The following ZFHX4 variants were observed in gnomAD, a reference collection of about 807,000 sequenced individuals.
ZFHX4 encodes zinc finger homeobox 4.
Under a neutral mutation model 267.6 loss-of-function variants are expected in ZFHX4, and 56 were observed. The observed-to-expected ratio is 0.21, with a 90% CI of 0.17 to 0.26. The LOEUF (loss-of-function observed/expected upper bound fraction) is 0.26. Among genes scored for constraint, ZFHX4 ranks in the 10% least tolerant of loss-of-function variants. The probability of loss-of-function intolerance (pLI) is 1.00; values close to 1 mark genes in which losing one functional copy is unlikely to be tolerated. For synonymous variants in ZFHX4, 1,778 were observed against 1,665.6 expected (o/e 1.07, Z -1.64); for missense variants, 4,332 against 4,420.0 (o/e 0.98, Z 0.56).
intron 5 of ZFHX4, among the ~76,000 whole-genome samples, chr8:76,840,958 A>G (rs1219562221): frequency 6.6e-6 from 1 of 152,226 alleles, no homozygotes; most frequent in Non-Finnish European, 1.5e-5. Flanking sequence ...GGGTGAAAGC[A>G]GGCTAGCGCC....
chr8:76,818,634 A>T (rs1209525268), intron 4 of ZFHX4, among the ~76,000 whole-genome samples: 1 of 152,048 alleles, frequency 6.6e-6, no homozygotes, highest in Admixed American at 6.6e-5. Context: ...AATCTAGAAC[A>T]GTCACGGTGG....
chr8:76,851,251 T>C lies in ZFHX4; in HGVS notation c.4330T>C (p.Leu1444=), dbSNP rs936990161. The C allele has an allele frequency of 6.2e-6, 10 of 1,613,748 alleles. No homozygotes were observed. Among genetic ancestry groups the C allele is most frequent in the East Asian group, 2.2e-5 (1 of 44,816 alleles). The change falls in exon 10 of 11, where the codon TTG becomes CTG. Residue 1444 remains leucine, a synonymous_variant. Coordinates refer to ENST00000651372, the MANE Select transcript of ZFHX4 (RefSeq NM_024721.5). ...TACATTCCAGGCTTTAAAAAAACAC[T>C]TGGAAGCAGGCCACCCTGAACTGAG... The part of the protein sequence containing the change: ...FRTFQALKKH[L]EAGHPELSEA...
Position 76,855,021 on chromosome 8 carries a change from T to A in ZFHX4, c.8100T>A (p.Asn2700Lys). The A allele has an allele frequency of 6.2e-7, 1 of 1,613,918 alleles. No homozygotes were observed. The highest frequency in any genetic ancestry group is 8.5e-7 in the Non-Finnish European group (1 of 1,179,872). ...GCCACATTCGCTCTCGGCACTGGAA[T>A]GAAGGAAAGCAGGCAGGTTACAGCT... ...LESHIRSRHW[N>K]EGKQAGYSLP... Residue 2700 changes from asparagine to lysine, a missense_variant, in exon 10 of 11, where the codon AAT becomes AAA. This residue lies in a region of ZFHX4 where 1,648 missense variants were observed against 1,625.0 expected (regional missense o/e 1.01). Coordinates refer to ENST00000651372, the MANE Select transcript of ZFHX4 (RefSeq NM_024721.5).
intron 1 of ZFHX4, among the ~76,000 whole-genome samples, chr8:76,688,387 G>T (rs987164000): frequency 2.0e-5 from 3 of 152,098 alleles, no homozygotes; most frequent in Non-Finnish European, 4.4e-5. Context: ...AGCTTTTGTG[G>T]CTGGGAAGGG....
Position 76,704,662 on chromosome 8 carries a change from A to G in ZFHX4, c.574A>G (p.Ile192Val), listed in dbSNP as rs760549285. 1.2e-6 allele frequency: 2 copies of G among 1,614,026 alleles called. No homozygotes were observed. Among genetic ancestry groups the G allele is most frequent in the Non-Finnish European group, 8.5e-7 (1 of 1,179,888 alleles). Residue 192 changes from isoleucine to valine, a missense_variant, in exon 2 of 11, where the codon ATC becomes GTC. Physicochemically the swap from Ile to Val is conservative, Grantham distance 29. Coordinates refer to ENST00000651372, the MANE Select transcript of ZFHX4 (RefSeq NM_024721.5). ...SAPMSFYPQI[I>V]NTFHIASSLG... is the part of the protein sequence containing the mutation. The stretch of plus-strand genomic sequence containing the variant: ...ACCTATGTCGTTCTACCCACAGATC[A>G]TCAACACTTTTCATATCGCTTCATC...
intron 4 of ZFHX4, among the ~76,000 whole-genome samples, chr8:76,824,475 A>T (rs1158631300): frequency 6.6e-6 from 1 of 152,176 alleles, no homozygotes; most frequent in Non-Finnish European, 1.5e-5. Flanking sequence ...GGAGCAGAGG[A>T]TCCCTTCTTT....
chr8:76,807,612 CTATAGTTT>C (rs775081558), intron 4 of ZFHX4, among the ~76,000 whole-genome samples: 20 of 152,076 alleles, frequency 1.3e-4, no homozygotes, highest in Non-Finnish European at 2.5e-4. Context: ...AAAGCCACAC[CTATAGTTT>C]TGAATTCCTG....
At chr8:76,804,620 T>C (rs1811201478) in intron 4 of ZFHX4, among the ~76,000 whole-genome samples, 1 of 152,158 alleles carries the variant, frequency 6.6e-6, no homozygotes, top group South Asian at 2.1e-4. Context: ...TTGCAGAATT[T>C]GCCCTGCCCC....
intron 4 of ZFHX4, among the ~76,000 whole-genome samples, chr8:76,795,791 A>G (rs1224484896): frequency 1.3e-5 from 2 of 152,176 alleles, no homozygotes; most frequent in East Asian, 3.9e-4. Context: ...CCCGCCTCCA[A>G]GTCTTTACAT....
chr8:76,774,270 T>G (rs1177003376), intron 3 of ZFHX4, among the ~76,000 whole-genome samples: 2 of 152,124 alleles, frequency 1.3e-5, no homozygotes, highest in Non-Finnish European at 2.9e-5. Flanking sequence ...GAAAAAAAAT[T>G]GAAGTGATAT....
intron 6 of ZFHX4, among the ~76,000 whole-genome samples, chr8:76,844,399 A>C (rs2626349): frequency 0.19 from 29,208 of 152,060 alleles, 3,427 homozygotes; most frequent in South Asian, 0.26. Context: ...GGTATATGAC[A>C]TTATGCCAGG....
At chr8:76,710,429 A>G (rs1465784015) in intron 3 of ZFHX4, among the ~76,000 whole-genome samples, 2 of 152,214 alleles carry the variant, frequency 1.3e-5, no homozygotes, top group African/African-American at 2.4e-5. Flanking sequence ...TTGGCAAAAT[A>G]AAAGTGGTTC....
chr8:76,786,485 A>G (rs1020088806), intron 4 of ZFHX4, among the ~76,000 whole-genome samples: 5 of 151,840 alleles, frequency 3.3e-5, no homozygotes, highest in Non-Finnish European at 7.4e-5. Flanking sequence ...TAGGTTTGAT[A>G]AGACACAAGT....
chr8:76,854,329 G>A lies in ZFHX4; in HGVS notation c.7408G>A (p.Val2470Ile). ...GRPPSASQTP[V>I]PSSPLQISMT... Reference sequence around the variant, plus strand: ...ACCTCCCTCGGCCTCTCAAACACCGGTCCCTTCCAGTCCACTGCAAATTTC... The same window carrying A: ...ACCTCCCTCGGCCTCTCAAACACCGATCCCTTCCAGTCCACTGCAAATTTC... The change falls in exon 10 of 11, where the codon GTC becomes ATC. Residue 2470 changes from valine to isoleucine, a missense_variant. Val to Ile is a conservative substitution (Grantham distance 29, BLOSUM62 3). Around this residue, in one of 7 missense-constraint regions of ZFHX4, gnomAD observed 1,648 missense variants for 1,625.0 expected, o/e 1.01. Transcript: ENST00000651372. 6.2e-7 allele frequency: 1 copy of A among 1,613,632 alleles called. No homozygotes were observed. Among genetic ancestry groups the A allele is most frequent in the South Asian group, 1.1e-5 (1 of 91,054 alleles).
chr8:76,860,124 T>G (rs1812829404), intron 10 of ZFHX4, among the ~76,000 whole-genome samples: 1 of 152,120 alleles, frequency 6.6e-6, no homozygotes, highest in African/African-American at 2.4e-5. Flanking sequence ...GCTGTTCAGC[T>G]TTTCTCCTCT....
intron 3 of ZFHX4, among the ~76,000 whole-genome samples, chr8:76,718,180 C>A (rs538117900): frequency 6.6e-6 from 1 of 152,172 alleles, no homozygotes; most frequent in Non-Finnish European, 1.5e-5. Context: ...AAAATAATTC[C>A]CAATTTTTAA....
intron 4 of ZFHX4, among the ~76,000 whole-genome samples, chr8:76,796,467 T>C (rs1354606719): frequency 1.3e-5 from 2 of 152,222 alleles, no homozygotes; most frequent in Non-Finnish European, 2.9e-5. Flanking sequence ...ACAAATTGTC[T>C]GTTAAGAATC....
At chr8:76,719,357 T>G (rs1808660715) in intron 3 of ZFHX4, among the ~76,000 whole-genome samples, 1 of 152,084 alleles carries the variant, frequency 6.6e-6, no homozygotes, top group Admixed American at 6.6e-5. Context: ...ATAATAAACC[T>G]TTGATGATGT....
chr8:76,720,429 G>T (rs1808688231), intron 3 of ZFHX4, among the ~76,000 whole-genome samples: 1 of 152,044 alleles, frequency 6.6e-6, no homozygotes, highest in Admixed American at 6.6e-5. Context: ...GGACATTTGG[G>T]TCGTTTCCAC....
Sources: gnomAD v4.1 joint callset for allele counts (sites outside exome capture counted in the v4.1 genomes callset) on GRCh38, gnomAD v4.1.1 for gene constraint, gnomAD v4.1.1 regional missense constraint, MANE v1.5 for transcripts, NCBI Gene and HGNC (gene_info 2026-07-23, HGNC 2026-07-21) for gene names.